PTPRD: variants seen among roughly 807,000 people sequenced by gnomAD.
PTPRD encodes the protein protein tyrosine phosphatase receptor type D.
Under a neutral mutation model 214.5 loss-of-function variants are expected in PTPRD, and 34 were observed. That is an observed-to-expected ratio of 0.16 (90% confidence interval 0.12 to 0.21). The LOEUF is 0.21. Ranked by LOEUF, PTPRD falls within the 10% of genes least tolerant of loss-of-function variation. The probability of loss-of-function intolerance (pLI) is 1.00; values close to 1 mark genes in which losing one functional copy is unlikely to be tolerated. For synonymous variants in PTPRD, 1,128 were observed against 845.7 expected (o/e 1.33, Z -5.79); for missense variants, 2,545 against 2,398.7 (o/e 1.06, Z -1.27).
At chr9:8,735,520 T>C (rs2090057147) in intron 11 of PTPRD, among the ~76,000 whole-genome samples, 1 of 152,216 alleles carries the variant, frequency 6.6e-6, no homozygotes, top group Non-Finnish European at 1.5e-5. Context: ...TGGGTGATGC[T>C]GATGCTGCCA....
chr9:10,367,172 T>C (rs555111423), intron 2 of PTPRD, among the ~76,000 whole-genome samples: 33 of 150,960 alleles, frequency 2.2e-4, no homozygotes, highest in South Asian at 1.5e-3. Context: ...TATTGAAAAA[T>C]GGAATCACTT....
At chr9:10,107,590 G>C (rs887168316) in intron 3 of PTPRD, among the ~76,000 whole-genome samples, 1 of 151,968 alleles carries the variant, frequency 6.6e-6, no homozygotes, top group Non-Finnish European at 1.5e-5. Context: ...TTTGTTATGA[G>C]GATACACAAC....
chr9:10,518,696 C>A (rs1221388218), intron 2 of PTPRD, among the ~76,000 whole-genome samples: 1 of 151,946 alleles, frequency 6.6e-6, no homozygotes. Flanking sequence ...CCACACCCGG[C>A]TAATTTTTTG....
chr9:9,842,164 C>T (rs2058483793), intron 5 of PTPRD, among the ~76,000 whole-genome samples: 1 of 151,774 alleles, frequency 6.6e-6, no homozygotes, highest in African/African-American at 2.4e-5. Flanking sequence ...AGAATTTATG[C>T]TTAAATTTTT....
At chr9:10,109,785 G>A (rs1224820574) in intron 3 of PTPRD, among the ~76,000 whole-genome samples, 2 of 152,008 alleles carry the variant, frequency 1.3e-5, no homozygotes, top group Non-Finnish European at 2.9e-5. Context: ...TGAAACTCAT[G>A]GGGAAAAATA....
chr9:10,413,294 T>C lies in PTPRD; in HGVS notation c.-599-72277A>G, dbSNP rs118093929. ...TATAAAATCAATGTACAAAAGTCAA[T>C]AGTATTCCTGTACACCAACAACGAC... On this transcript the variant is annotated intron_variant, in intron 2 of 45. Transcript: ENST00000381196. 2.3e-4 allele frequency among the ~76,000 whole-genome samples: 35 copies of C among 151,946 alleles called. No individual in the cohort carries two copies. The East Asian group carries it at 6.3e-3, about 27-fold the overall frequency.
chr9:10,458,612 T>G (rs553621817), intron 2 of PTPRD, among the ~76,000 whole-genome samples: 1 of 152,170 alleles, frequency 6.6e-6, no homozygotes, highest in Admixed American at 6.5e-5. Context: ...AACTGAAAGC[T>G]TTTCCTTTAA....
chr9:9,893,223 C>A (rs2073962763), intron 5 of PTPRD, among the ~76,000 whole-genome samples: 1 of 152,006 alleles, frequency 6.6e-6, no homozygotes, highest in South Asian at 2.1e-4. Context: ...ATAAACAAGT[C>A]TGCAAAATAA....
chr9:8,341,009 G>A (rs958192999), intron 41 of PTPRD, 81 bp downstream of exon 41: 3 of 1,338,868 alleles, frequency 2.2e-6, no homozygotes, highest in South Asian at 3.4e-5. Flanking sequence ...TTTGAATGGA[G>A]ATGAAATTTA....
chr9:9,971,456 A>T (rs986306457), intron 4 of PTPRD, among the ~76,000 whole-genome samples: 2 of 152,198 alleles, frequency 1.3e-5, no homozygotes, highest in African/African-American at 2.4e-5. Flanking sequence ...TGAAAGCAGT[A>T]TAACTCTACT....
At chr9:9,302,491 A>C (rs372237448) in intron 9 of PTPRD, among the ~76,000 whole-genome samples, 2 of 151,626 alleles carry the variant, frequency 1.3e-5, no homozygotes, top group Admixed American at 6.6e-5. Context: ...GATAAGGCCC[A>C]TGTAACTTGA....
chr9:8,486,170 T>C lies in PTPRD; in HGVS notation c.2647A>G (p.Thr883Ala), dbSNP rs755372852. 8 of 1,614,202 alleles carry C rather than the reference T, an allele frequency of 5.0e-6. No individual in the cohort carries two copies. The highest frequency in any genetic ancestry group is 4.4e-5 in the South Asian group (4 of 91,084). ...TATGATGCTCCCTTGTGGATGTCTG[T>C]AGCTGTAAAGTGATCTTCTTTTTCA... The part of the protein sequence containing the change: ...FSEKEDHFTA[T>A]DIHKGASYVF... Residue 883 changes from threonine (T) to alanine (A), a missense_variant, in exon 28 of 46, where the codon ACA (threonine) becomes GCA (alanine). Physicochemically the swap from Thr to Ala is moderately conservative, Grantham distance 58. Coordinates refer to ENST00000381196, the MANE Select transcript of PTPRD (RefSeq NM_002839.4).
chr9:10,501,762 G>A (rs575416211), intron 2 of PTPRD, among the ~76,000 whole-genome samples: 51 of 152,004 alleles, frequency 3.4e-4, no homozygotes, highest in African/African-American at 1.2e-3. Context: ...AGTATTAATC[G>A]TCTCTCAGAT....
chr9:8,882,114 C>G (rs992089534), intron 11 of PTPRD, among the ~76,000 whole-genome samples: 2 of 152,174 alleles, frequency 1.3e-5, no homozygotes, highest in Non-Finnish European at 2.9e-5. Flanking sequence ...AGAGCAAGAA[C>G]CAACAAGGTC....
chr9:8,753,297 T>A (rs1395525133), intron 11 of PTPRD, among the ~76,000 whole-genome samples: 1 of 152,198 alleles, frequency 6.6e-6, no homozygotes, highest in Admixed American at 6.5e-5. Context: ...ATAATGGAAG[T>A]GACGTATGTA....
At chr9:8,796,752 T>C (rs1375525097) in intron 11 of PTPRD, among the ~76,000 whole-genome samples, 1 of 152,114 alleles carries the variant, frequency 6.6e-6, no homozygotes, top group Non-Finnish European at 1.5e-5. Flanking sequence ...GGTTGAGAAA[T>C]TCAAATTTCC....
At chr9:8,745,517 A>C (rs554712752) in intron 11 of PTPRD, among the ~76,000 whole-genome samples, 1 of 152,328 alleles carries the variant, frequency 6.6e-6, no homozygotes, top group African/African-American at 2.4e-5. Context: ...ACTGTCCTAG[A>C]CCAATAAATA....
chr9:10,076,177 G>C (rs918857667), intron 3 of PTPRD, among the ~76,000 whole-genome samples: 33 of 152,066 alleles, frequency 2.2e-4, no homozygotes, highest in African/African-American at 7.9e-4. Flanking sequence ...CAGGTTTGAG[G>C]GTCTACGTCT....
chr9:10,289,930 T>TAAAAAA (rs746068639), intron 3 of PTPRD, among the ~76,000 whole-genome samples: 46 of 151,978 alleles, frequency 3.0e-4, no homozygotes, highest in Admixed American at 5.9e-4. Flanking sequence ...AGCGGTAGGG[T>TAAAAAA]AAAAAGGGTT....
Sources: allele counts gnomAD v4.1 joint callset (sites outside exome capture counted in the v4.1 genomes callset), GRCh38; gene constraint gnomAD v4.1.1; transcripts MANE v1.5; gene names NCBI Gene and HGNC (gene_info 2026-07-23, HGNC 2026-07-21).